DNAH7: variants seen among roughly 807,000 people sequenced by gnomAD.
The protein encoded by DNAH7 is dynein axonemal heavy chain 7, also known as axonemal beta dynein heavy chain 7.
A neutral mutation model predicts 444.6 loss-of-function variants in DNAH7; 397 were observed. The ratio of observed to expected loss-of-function variants is 0.89; its 90% CI spans 0.82 to 0.97. DNAH7 has a LOEUF of 0.97. DNAH7 is among the 50% of genes least tolerant of loss of function. The pLI is 0.00. For synonymous variants in DNAH7, 1,636 were observed against 1,624.4 expected (o/e 1.01, Z -0.17); for missense variants, 4,902 against 4,800.8 (o/e 1.02, Z -0.62).
chr2:196,001,500 G>A (rs979857069), intron 11 of DNAH7, among the ~76,000 whole-genome samples, 175 bp downstream of exon 11: 4 of 152,088 alleles, frequency 2.6e-5, no homozygotes, highest in Non-Finnish European at 5.9e-5. Context: ...GAGTAGTGGG[G>A]ACTACAGACA....
intron 61 of DNAH7, among the ~76,000 whole-genome samples, chr2:195,762,580 T>C (rs1158949000): frequency 1.3e-5 from 2 of 152,192 alleles, no homozygotes; most frequent in Non-Finnish European, 2.9e-5. Flanking sequence ...GGAGTAGCTA[T>C]ACTTATATCA....
intron 5 of DNAH7, among the ~76,000 whole-genome samples, chr2:196,030,995 A>G (rs1256258271): frequency 6.6e-6 from 1 of 152,186 alleles, no homozygotes; most frequent in Non-Finnish European, 1.5e-5. Context: ...AGGGACTCTG[A>G]GTGGGGGCTC....
chr2:195,921,356 C>A (rs1333551793), intron 24 of DNAH7, among the ~76,000 whole-genome samples: 1 of 99,650 alleles, frequency 1.0e-5, no homozygotes, highest in African/African-American at 5.7e-5. Context: ...GTGGTGTACA[C>A]ACACACACAC....
chr2:195,838,592 C>T (rs10198943), intron 47 of DNAH7, among the ~76,000 whole-genome samples: 83,762 of 151,554 alleles, frequency 0.55, 23,768 homozygotes, highest in Non-Finnish European at 0.63. Flanking sequence ...GTCAGTGAAG[C>T]TGAAGATAGA....
At chr2:195,776,177 C>G (rs893617482) in intron 59 of DNAH7, among the ~76,000 whole-genome samples, 194 bp from the exon 60 acceptor site, 8 of 152,272 alleles carry the variant, frequency 5.3e-5, no homozygotes, top group African/African-American at 1.9e-4. Flanking sequence ...GGCGCGGTGG[C>G]TCACGCCTGT....
intron 58 of DNAH7, among the ~76,000 whole-genome samples, chr2:195,778,631 A>ATATATAT (rs1695196378): frequency 9.7e-5 from 2 of 20,666 alleles, no homozygotes; most frequent in African/African-American, 3.5e-4. Flanking sequence ...AAAAAAAAAA[A>ATATATAT]ATAAATAAAT....
At chr2:195,837,658 C>CT (rs72246880) in intron 47 of DNAH7, among the ~76,000 whole-genome samples, 2,770 of 151,176 alleles carry the variant, frequency 0.018, 84 homozygotes, top group African/African-American at 0.061. Context: ...TCATGTTTTG[C>CT]TTTTTTTTTA....
In DNAH7 at chr2:195,972,235, T is replaced by C. The variant is rs1483682353; in HGVS notation, c.2058+7A>G. ...GAAAATGAAAATAAAATATCTAAGA[T>C]GCCAACCTTCAGACCTTCTTGATAT... On this transcript the variant is annotated splice_region_variant and intron_variant, in intron 16 of 64. Transcript: ENST00000312428. The C allele has an allele frequency of 6.2e-6, 10 of 1,601,894 alleles. No individual in the cohort carries two copies. The highest frequency in any genetic ancestry group is 1.7e-4 in the Middle Eastern group (1 of 6,014).
chr2:195,865,976 T>C (rs951058271), intron 40 of DNAH7, among the ~76,000 whole-genome samples: 6 of 152,184 alleles, frequency 3.9e-5, no homozygotes, highest in African/African-American at 1.4e-4. Flanking sequence ...CAAGCCAGCG[T>C]GAGAAAATAA....
chr2:196,008,782 T>C (rs993687956), intron 10 of DNAH7, among the ~76,000 whole-genome samples: 20 of 152,284 alleles, frequency 1.3e-4, no homozygotes, highest in African/African-American at 4.6e-4. Context: ...GGTGGAAGAA[T>C]GGGAAATGGC....
At chr2:195,928,862 G>T (rs923054808) in intron 21 of DNAH7, among the ~76,000 whole-genome samples, 1 of 152,032 alleles carries the variant, frequency 6.6e-6, no homozygotes, top group Non-Finnish European at 1.5e-5. Context: ...TTAACTGGAA[G>T]TCCTAGACAG....
At chr2:195,808,577 G>T in intron 53 of DNAH7, 105 bp downstream of exon 53, 1 of 1,355,092 alleles carries the variant, frequency 7.4e-7, no homozygotes, top group Non-Finnish European at 1.0e-6. Context: ...TCTAACATGT[G>T]ACCAGTTGTT....
chr2:195,746,338 A>C (rs1243251236), intron 63 of DNAH7, among the ~76,000 whole-genome samples: 2 of 152,178 alleles, frequency 1.3e-5, no homozygotes, highest in Admixed American at 1.3e-4. Context: ...GAGCACTCAG[A>C]TTCATAAAGC....
At chr2:195,839,821 T>C (rs994446319) in intron 47 of DNAH7, among the ~76,000 whole-genome samples, 5 of 151,734 alleles carry the variant, frequency 3.3e-5, no homozygotes, top group East Asian at 3.8e-4. Context: ...TAGGAAGAAA[T>C]AGATCACCTG....
At chr2:195,801,504 G>T (rs976828329) in intron 54 of DNAH7, among the ~76,000 whole-genome samples, 2 of 152,102 alleles carry the variant, frequency 1.3e-5, no homozygotes, top group Non-Finnish European at 2.9e-5. Context: ...GTAATGGAAA[G>T]ATTTTTTGAA....
intron 21 of DNAH7, among the ~76,000 whole-genome samples, chr2:195,928,297 C>T (rs1426913102): frequency 2.6e-5 from 4 of 152,134 alleles, no homozygotes; most frequent in Admixed American, 6.6e-5. Context: ...CTTCTTGCCA[C>T]CCTATCTTAA....
At chr2:196,029,843 A>G (rs1269927713) in intron 5 of DNAH7, among the ~76,000 whole-genome samples, 1 of 151,496 alleles carries the variant, frequency 6.6e-6, no homozygotes, top group African/African-American at 2.4e-5. Context: ...TTTCTCAAAA[A>G]TGAAAAGAAC....
chr2:195,916,129 AAATT>A (rs148608070), intron 24 of DNAH7, among the ~76,000 whole-genome samples: 2,568 of 152,286 alleles, frequency 0.017, 64 homozygotes, highest in African/African-American at 0.058. Flanking sequence ...TCTAGACACA[AAATT>A]AATTCAAAAT....
chr2:195,897,939 T>C (rs1277649480), intron 28 of DNAH7, among the ~76,000 whole-genome samples, 174 bp from the exon 29 acceptor site: 2 of 151,456 alleles, frequency 1.3e-5, no homozygotes, highest in Non-Finnish European at 2.9e-5. Context: ...TTTAAACTTG[T>C]TGTGTTTTTT....
Sources: allele counts gnomAD v4.1 joint callset (sites outside exome capture counted in the v4.1 genomes callset), GRCh38; gene constraint gnomAD v4.1.1; transcripts MANE v1.5; gene names NCBI Gene and HGNC (gene_info 2026-07-23, HGNC 2026-07-21).